CYP4F12: variants seen among roughly 807,000 people sequenced by gnomAD.
CYP4F12 encodes the protein cytochrome P450 4F12.
CYP4F12 carries 60 observed loss-of-function variants against 56.5 expected under a neutral mutation model. The observed-to-expected ratio is 1.06, with a 90% CI of 0.86 to 1.32. The LOEUF is 1.32. Ranked by LOEUF, CYP4F12 falls within the 40% of genes most tolerant of loss-of-function variation. The probability of loss-of-function intolerance (pLI) is 0.00; values close to 1 mark genes in which losing one functional copy is unlikely to be tolerated. For missense variants in CYP4F12, 711 were observed against 683.5 expected (o/e 1.04, Z -0.45); for synonymous variants, 263 against 264.9 (o/e 0.99, Z 0.07).
intron 12 of CYP4F12, 63 bp from the exon 13 acceptor site, chr19:15,696,845 C>T (rs2008165682): frequency 9.1e-6 from 14 of 1,540,464 alleles, no homozygotes; most frequent in South Asian, 5.0e-5. Flanking sequence ...GGCCAGGTTC[C>T]TGGGTTGATG....
rs1418429292 is a variant in CYP4F12, at chr19:15,685,273, T to C, written c.1115+76T>C. On this transcript the variant is annotated intron_variant, in intron 9 of 12. Transcript: ENST00000550308. ...CCCCAAGTGAGGAGGGGTGGAGGAG[T>C]TGTTTTGTGGATTCTTCCACTATTG... is the stretch of plus-strand genomic sequence containing the variant. The C allele has an allele frequency of 2.6e-6, 4 of 1,555,616 alleles. No individual in the cohort carries two copies. The Admixed American group carries it at 5.4e-5, about 21-fold the overall frequency.
In CYP4F12 at chr19:15,683,391, T is replaced by A. The variant is rs539385455; in HGVS notation, c.648-102T>A. The A allele has an allele frequency of 1.5e-4, 187 of 1,264,192 alleles. 1 individual carries two copies. In the African/African-American group the frequency reaches 2.5e-3, roughly 17 times the overall value. 78.3% of individuals were successfully genotyped at this position (1,264,192 alleles called of 1,614,324 possible). A position where few individuals can be genotyped will look rare whatever the true frequency, so the allele number is the denominator to read the frequency against. Reference sequence around the variant, plus strand: ...TCTAGGACCATCTATTTCTAGATACTCAGTTTCCTGATGGGAGGTAGCTCC... The same window carrying A: ...TCTAGGACCATCTATTTCTAGATACACAGTTTCCTGATGGGAGGTAGCTCC... On this transcript the variant is annotated intron_variant, in intron 6 of 12. Coordinates refer to ENST00000550308, the MANE Select transcript of CYP4F12 (RefSeq NM_023944.4).
At chr19:15,691,343 A>G (rs680679) in intron 9 of CYP4F12, among the ~76,000 whole-genome samples, 43,049 of 151,996 alleles carry the variant, frequency 0.28, 6,611 homozygotes, top group African/African-American at 0.4. Context: ...TATAAACATC[A>G]CTGCAGGACA....
In CYP4F12 at chr19:15,697,055, G is replaced by T. The variant is rs1161272372; in HGVS notation, c.1545G>T (p.Arg515=). 6.2e-7 allele frequency: 1 copy of T among 1,614,010 alleles called. No individual in the cohort carries two copies. The highest frequency in any genetic ancestry group is 8.5e-7 in the Non-Finnish European group (1 of 1,179,866). The part of the protein sequence containing the change: ...IMRAEGGLWL[R]VEPLNVSLQ ...GCGCCGAGGGCGGGCTTTGGCTGCG[G>T]GTGGAGCCCCTGAATGTAAGCTTGC... The change falls in exon 13 of 13, where the codon CGG becomes CGT. Residue 515 remains arginine (R), a synonymous_variant. Coordinates refer to ENST00000550308, the MANE Select transcript of CYP4F12 (RefSeq NM_023944.4).
In CYP4F12 at chr19:15,680,636, G is replaced by A. The variant is rs775464004; in HGVS notation, c.525+117G>A. The A allele has an allele frequency of 3.7e-6, 5 of 1,359,464 alleles. No homozygotes were observed. The South Asian group carries it at 4.8e-5, about 13-fold the overall frequency. 84.2% of individuals were successfully genotyped at this position (1,359,464 alleles called of 1,614,324 possible). A position where few individuals can be genotyped will look rare whatever the true frequency, so the allele number is the denominator to read the frequency against. On this transcript the variant is annotated intron_variant, in intron 5 of 12. Coordinates refer to ENST00000550308, the MANE Select transcript of CYP4F12 (RefSeq NM_023944.4). ...CACTGGGCCATTGCTCTTCCTCTCT[G>A]AGCCTTGGTTTCCTCATCTGTAAAA... is the stretch of plus-strand genomic sequence containing the variant.
In CYP4F12 at chr19:15,696,085, G is replaced by A; in HGVS notation, c.1249+16G>A. Reference sequence around the variant, plus strand: ...ATCCCCAAAGGTGCCCACAGCCTCAGGGGGAGAAGCCTCCCGGGTAGGAAG... The same window carrying A: ...ATCCCCAAAGGTGCCCACAGCCTCAAGGGGAGAAGCCTCCCGGGTAGGAAG... On this transcript the variant is annotated intron_variant, in intron 10 of 12. Coordinates refer to ENST00000550308, the MANE Select transcript of CYP4F12 (RefSeq NM_023944.4). 1 of 1,612,028 alleles carries A rather than the reference G, an allele frequency of 6.2e-7. No individual in the cohort carries two copies.
Position 15,689,764 on chromosome 19 carries a change from C to T in CYP4F12, c.1115+4567C>T, listed in dbSNP as rs528179004. On this transcript the variant is annotated intron_variant, in intron 9 of 12. Transcript: ENST00000550308. ...GGCATATATACACAATGGAATACTA[C>T]TCAGTCATAAAAAGGAATGAAATAA... 7.2e-5 allele frequency among the ~76,000 whole-genome samples: 11 copies of T among 152,316 alleles called. No homozygotes were observed. In the East Asian group the frequency reaches 1.9e-3, roughly 27 times the overall value.
chr19:15,682,090 C>T (rs610652), intron 5 of CYP4F12: 4,988 of 277,084 alleles, frequency 0.018, 61 homozygotes, highest in African/African-American at 0.1. Context: ...TCACCTTGAC[C>T]GTTATTGAAT....
At chr19:15,691,990 C>T (rs1005831728) in intron 9 of CYP4F12, among the ~76,000 whole-genome samples, 3 of 152,042 alleles carry the variant, frequency 2.0e-5, no homozygotes, top group African/African-American at 7.2e-5. Context: ...TGGAGTCTAG[C>T]TTTGTCGCCC....
intron 5 of CYP4F12, chr19:15,682,117 C>G (rs1256482497): frequency 3.1e-6 from 1 of 321,766 alleles, no homozygotes; most frequent in Non-Finnish European, 6.0e-6. Flanking sequence ...CAGGTGGGAC[C>G]TAGAGGAGGG....
chr19:15,681,707 C>G (rs1599959115), intron 5 of CYP4F12: 2 of 152,296 alleles, frequency 1.3e-5, no homozygotes, highest in Non-Finnish European at 2.9e-5. Context: ...AAATACAACT[C>G]TGAGAAATGG....
chr19:15,688,380 A>T lies in CYP4F12; in HGVS notation c.1115+3183A>T, dbSNP rs535981010. On this transcript the variant is annotated intron_variant, in intron 9 of 12. Transcript: ENST00000550308. ...AAAAAACAGTTGCAAAAAAAAAAAA[A>T]TACCTAGGAATATACTTAACCAAGG... Among the ~76,000 whole-genome samples the T allele has an allele frequency of 4.8e-3, 709 of 148,024 alleles. 9 individuals are homozygous for T. The highest frequency in any genetic ancestry group is 4.0e-3 in the Non-Finnish European group (267 of 66,408).
At position 15,673,529 on chromosome 19, in the gene CYP4F12, G is replaced by T; in HGVS notation, c.-1G>T. On this transcript the variant is annotated splice_region_variant and 5_prime_UTR_variant, in exon 2 of 13. Coordinates refer to ENST00000550308, the MANE Select transcript of CYP4F12 (RefSeq NM_023944.4). Reference sequence around the variant, plus strand: ...ACCCTGCATCCCCTCTGCCCTGCAGGATGTCGCTGCTGAGCCTGCCCTGGC... The same window carrying T: ...ACCCTGCATCCCCTCTGCCCTGCAGTATGTCGCTGCTGAGCCTGCCCTGGC... 1 of 1,613,066 alleles carries T rather than the reference G, an allele frequency of 6.2e-7. No individual in the cohort carries two copies. The highest frequency in any genetic ancestry group is 8.5e-7 in the Non-Finnish European group (1 of 1,179,790).
chr19:15,696,846 T>C (rs566498137), intron 12 of CYP4F12, 62 bp from the exon 13 acceptor site: 3 of 1,541,384 alleles, frequency 1.9e-6, no homozygotes, highest in Admixed American at 1.9e-5. Context: ...GCCAGGTTCC[T>C]GGGTTGATGG....
intron 10 of CYP4F12, 39 bp from the exon 11 acceptor site, chr19:15,696,122 A>AG (rs755113921): frequency 6.2e-7 from 1 of 1,611,666 alleles, no homozygotes; most frequent in Non-Finnish European, 8.5e-7. Context: ...TGGTTCCCTC[A>AG]GGGGATCCTT....
At chr19:15,676,951 C>G (rs2006968879) in intron 2 of CYP4F12, among the ~76,000 whole-genome samples, 9 of 123,556 alleles carry the variant, frequency 7.3e-5, no homozygotes, top group African/African-American at 1.5e-4. Context: ...TCATTCCTCT[C>G]CTCACTCACT....
At chr19:15,689,024 T>G (rs1167604757) in intron 9 of CYP4F12, among the ~76,000 whole-genome samples, 1 of 152,140 alleles carries the variant, frequency 6.6e-6, no homozygotes, top group African/African-American at 2.4e-5. Context: ...TTTTGGACAT[T>G]GGCCTAGGCA....
chr19:15,696,815 G>A, intron 12 of CYP4F12, 93 bp from the exon 13 acceptor site: 3 of 1,450,886 alleles, frequency 2.1e-6, no homozygotes, highest in Non-Finnish European at 2.8e-6. Flanking sequence ...AGGCTGAGCT[G>A]GGTGCAGTTG....
In CYP4F12 at chr19:15,695,939, C is replaced by A. The variant is rs1402563038; in HGVS notation, c.1119C>A (p.Asp373Glu). Residue 373 changes from aspartate to glutamate, a missense_variant, in exon 10 of 13, where the codon GAC (aspartate) becomes GAA (glutamate). Asp to Glu is a conservative substitution (Grantham distance 45). Transcript: ENST00000550308. ...TGGGGCTGGGGTGTTTCCTTAGGGA[C>A]GACCTGGCCCAGCTGCCCTTCCTGA... ...KDRDPKEIEW[D>E]DLAQLPFLTM... 4 of 1,612,226 alleles carry A rather than the reference C, an allele frequency of 2.5e-6. No homozygotes were observed. The highest frequency in any genetic ancestry group is 2.7e-5 in the African/African-American group (2 of 74,794).
Sources: gnomAD v4.1 joint callset for allele counts (sites outside exome capture counted in the v4.1 genomes callset) on GRCh38, gnomAD v4.1.1 for gene constraint, MANE v1.5 for transcripts, NCBI Gene and HGNC (gene_info 2026-07-23, HGNC 2026-07-21) for gene names.